The following KAZN variants were observed in gnomAD, a reference collection of about 807,000 sequenced individuals.
KAZN encodes kazrin, periplakin interacting protein.
A neutral mutation model predicts 87.4 loss-of-function variants in KAZN; 40 were observed. That is an observed-to-expected ratio of 0.46 (90% CI 0.36 to 0.60). The LOEUF is 0.60. Among genes scored for constraint, KAZN ranks in the 20% least tolerant of loss-of-function variants. The pLI is 0.00. For missense variants in KAZN, 898 were observed against 1,073.9 expected (o/e 0.84, Z 2.29); for synonymous variants, 466 against 458.3 (o/e 1.02, Z -0.22).
chr1:14,610,842 C>G (rs890149999), intron 1 of KAZN, among the ~76,000 whole-genome samples: 7 of 152,184 alleles, frequency 4.6e-5, no homozygotes, highest in Non-Finnish European at 7.3e-5. Flanking sequence ...TTTTCACTAT[C>G]CCTTTAGGGA....
intron 1 of KAZN, among the ~76,000 whole-genome samples, chr1:14,885,883 A>G (rs1653984688): frequency 6.6e-6 from 1 of 152,140 alleles, no homozygotes; most frequent in Admixed American, 6.5e-5. Context: ...AGATGAATAT[A>G]TGACTACAGG....
At chr1:13,992,415 T>C (rs1366766238) in intron 1 of KAZN, among the ~76,000 whole-genome samples, 5 of 152,214 alleles carry the variant, frequency 3.3e-5, no homozygotes, top group Admixed American at 3.3e-4. Context: ...TCTCCTCTTT[T>C]GCTGTCACTT....
At chr1:14,405,606 A>G (rs866237980) in intron 2 of KAZN, among the ~76,000 whole-genome samples, 238 of 136,324 alleles carry the variant, frequency 1.7e-3, no homozygotes, top group Middle Eastern at 3.6e-3. Context: ...ACCCAATAAA[A>G]TGTGTGTGTG....
chr1:14,145,561 A>C (rs1382550306), intron 1 of KAZN, among the ~76,000 whole-genome samples: 1 of 152,154 alleles, frequency 6.6e-6, no homozygotes, highest in Non-Finnish European at 1.5e-5. Context: ...CTTAGTATGT[A>C]GCTTAGCTTT....
At chr1:14,590,067 C>T (rs1676100175) in intron 2 of KAZN, among the ~76,000 whole-genome samples, 1 of 152,050 alleles carries the variant, frequency 6.6e-6, no homozygotes, top group Admixed American at 6.5e-5. Context: ...CAGCTCCTCA[C>T]CAAATCGAAT....
intron 1 of KAZN, among the ~76,000 whole-genome samples, chr1:14,917,261 T>C (rs7547573): frequency 0.44 from 66,375 of 152,026 alleles, 16,100 homozygotes; most frequent in Non-Finnish European, 0.53. Flanking sequence ...AAAATCCAGC[T>C]CTAATCCTTC....
At chr1:14,440,159 T>C (rs2101443567) in intron 2 of KAZN, among the ~76,000 whole-genome samples, 1 of 152,354 alleles carries the variant, frequency 6.6e-6, no homozygotes, top group African/African-American at 2.4e-5. Context: ...CCCAGCACTT[T>C]AAAGAATTCA....
intron 1 of KAZN, among the ~76,000 whole-genome samples, chr1:13,933,499 A>G (rs1454886534): frequency 6.6e-6 from 1 of 152,138 alleles, no homozygotes; most frequent in African/African-American, 2.4e-5. Flanking sequence ...TCCCCCCCAA[A>G]AAATATTAAT....
intron 2 of KAZN, among the ~76,000 whole-genome samples, chr1:14,346,425 T>C (rs1035112915): frequency 6.6e-6 from 1 of 152,150 alleles, no homozygotes; most frequent in African/African-American, 2.4e-5. Flanking sequence ...ACCGGTGTTC[T>C]TTCTCAGCCC....
intron 1 of KAZN, among the ~76,000 whole-genome samples, chr1:14,699,639 T>C (rs950290847): frequency 6.6e-6 from 1 of 152,218 alleles, no homozygotes; most frequent in Non-Finnish European, 1.5e-5. Flanking sequence ...GAAGCTTGTT[T>C]ACATTGGGTA....
intron 2 of KAZN, among the ~76,000 whole-genome samples, chr1:14,989,672 G>A (rs1248195579): frequency 6.6e-6 from 1 of 152,164 alleles, no homozygotes; most frequent in Non-Finnish European, 1.5e-5. Flanking sequence ...CATCTGCAGT[G>A]TGGGGGTAGT....
intron 2 of KAZN, among the ~76,000 whole-genome samples, chr1:14,503,671 C>CA (rs1670392533): frequency 6.6e-6 from 1 of 151,566 alleles, no homozygotes; most frequent in South Asian, 2.1e-4. Flanking sequence ...CACCGTCTCC[C>CA]ATGTCCAACC....
chr1:14,505,386 C>T (rs1455121494), intron 2 of KAZN, among the ~76,000 whole-genome samples: 1 of 152,214 alleles, frequency 6.6e-6, no homozygotes, highest in Non-Finnish European at 1.5e-5. Flanking sequence ...TACTATGCTT[C>T]TTCCTTCTGT....
intron 2 of KAZN, among the ~76,000 whole-genome samples, chr1:14,270,192 G>A (rs1053438123): frequency 6.6e-6 from 1 of 152,206 alleles, no homozygotes; most frequent in Admixed American, 6.5e-5. Flanking sequence ...CTTGAAGCAT[G>A]TGCTCATCCC....
chr1:14,769,634 G>A lies in KAZN; in HGVS notation c.226+170411G>A, dbSNP rs1440764735. ...CTCCCAAAGTCCTGGGATTACAGGCGTGAGCCACCGTGCCCGGCCTGCCCT... is the reference window on the plus strand; with the variant it reads ...CTCCCAAAGTCCTGGGATTACAGGCATGAGCCACCGTGCCCGGCCTGCCCT... On this transcript the variant is annotated intron_variant, in intron 1 of 14. Transcript: ENST00000376030. The surrounding 1 kb of genome is among the most constrained non-coding windows in gnomAD (Gnocchi z 4.1). 5.9e-5 allele frequency among the ~76,000 whole-genome samples: 9 copies of A among 152,184 alleles called. No homozygotes were observed. The East Asian group carries it at 1.2e-3, about 20-fold the overall frequency.
chr1:14,787,304 G>A (rs1469468629), intron 1 of KAZN, among the ~76,000 whole-genome samples: 3 of 152,128 alleles, frequency 2.0e-5, no homozygotes, highest in Non-Finnish European at 2.9e-5. Context: ...CGTTTTTCTC[G>A]TTACTCCCAT....
intron 1 of KAZN, among the ~76,000 whole-genome samples, chr1:14,015,101 T>G (rs1640501100): frequency 6.6e-6 from 1 of 152,244 alleles, no homozygotes; most frequent in Non-Finnish European, 1.5e-5. Context: ...ATTTCTTGAT[T>G]TGGACAAAAT....
intron 1 of KAZN, among the ~76,000 whole-genome samples, chr1:14,050,169 GGT>G (rs1250902851): frequency 1.3e-5 from 2 of 150,768 alleles, no homozygotes; most frequent in Admixed American, 6.6e-5. Flanking sequence ...CGCGTGTGTG[GGT>G]GTGTGCGCAC....
chr1:14,855,693 A>G (rs912679941), intron 1 of KAZN, among the ~76,000 whole-genome samples: 1 of 152,230 alleles, frequency 6.6e-6, no homozygotes, highest in East Asian at 1.9e-4. Context: ...AACTGCTCCT[A>G]TGTGCTGGGC....
Sources: allele counts gnomAD v4.1 joint callset (sites outside exome capture counted in the v4.1 genomes callset), GRCh38; gene constraint gnomAD v4.1.1; non-coding constraint Gnocchi (gnomAD v3.1); transcripts MANE v1.5; gene names NCBI Gene and HGNC (gene_info 2026-07-23, HGNC 2026-07-21).